LRRIQ3: variants seen among roughly 807,000 people sequenced by gnomAD.
LRRIQ3 encodes the protein leucine-rich repeat and IQ domain-containing protein 3.
Under a neutral mutation model 59.3 loss-of-function variants are expected in LRRIQ3, and 75 were observed. The observed-to-expected ratio is 1.26, with a 90% confidence interval of 1.05 to 1.53. LRRIQ3 has a LOEUF of 1.53. LRRIQ3 is among the 40% of genes most tolerant of loss of function. The probability of loss-of-function intolerance (pLI) is 0.00; values close to 1 mark genes in which losing one functional copy is unlikely to be tolerated. For synonymous variants in LRRIQ3, 250 were observed against 231.3 expected (o/e 1.08, Z -0.73); for missense variants, 831 against 710.0 (o/e 1.17, Z -1.94).
intron 3 of LRRIQ3, among the ~76,000 whole-genome samples, chr1:74,157,353 T>G (rs906091306): frequency 6.6e-6 from 1 of 152,088 alleles, no homozygotes; most frequent in African/African-American, 2.4e-5. Context: ...ACTCTTTTTT[T>G]GTCTAAGATT....
chr1:74,118,500 C>A (rs930329331), intron 4 of LRRIQ3, among the ~76,000 whole-genome samples: 1 of 151,936 alleles, frequency 6.6e-6, no homozygotes, highest in African/African-American at 2.4e-5. Context: ...GTTTTGCCAC[C>A]AGAAATAAGA....
In LRRIQ3 at chr1:74,182,766, T is replaced by A; in HGVS notation, c.345A>T (p.Ile115=). The A allele has an allele frequency of 1.2e-6, 2 of 1,611,322 alleles. No individual in the cohort carries two copies. The highest frequency in any genetic ancestry group is 1.7e-6 in the Non-Finnish European group (2 of 1,178,192). ...GGGTTGGACAGGCAGATAATACACA[T>A]ATATTCTTTAACTTTGCAAACCCAT... ...HDNGFAKLKN[I]CVLSACPTLI... is the part of the protein sequence containing the mutation. The change falls in exon 3 of 8, where the codon ATA becomes ATT. Residue 115 remains isoleucine (I), a synonymous_variant. Coordinates refer to ENST00000354431, the MANE Select transcript of LRRIQ3 (RefSeq NM_001105659.2).
chr1:74,118,947 A>T (rs1176400778), intron 4 of LRRIQ3, among the ~76,000 whole-genome samples: 1 of 152,122 alleles, frequency 6.6e-6, no homozygotes, highest in Non-Finnish European at 1.5e-5. Context: ...CACCCACATT[A>T]TGGAGGGTAA....
intron 4 of LRRIQ3, among the ~76,000 whole-genome samples, chr1:74,141,164 T>G (rs2100637135): frequency 6.6e-6 from 1 of 152,036 alleles, no homozygotes; most frequent in South Asian, 2.1e-4. Context: ...CCTAAAGCAC[T>G]TAAGACACAG....
intron 4 of LRRIQ3, among the ~76,000 whole-genome samples, chr1:74,128,290 C>T (rs1008142674): frequency 2.6e-5 from 4 of 151,924 alleles, no homozygotes; most frequent in African/African-American, 9.7e-5. Flanking sequence ...CTGTTTTTAT[C>T]TCATTTTTTT....
At chr1:74,185,007 C>T (rs569924839) in intron 1 of LRRIQ3, among the ~76,000 whole-genome samples, 1 of 152,274 alleles carries the variant, frequency 6.6e-6, no homozygotes, top group African/African-American at 2.4e-5. Context: ...TACTGAATAA[C>T]ATTCCATCGC....
intron 4 of LRRIQ3, among the ~76,000 whole-genome samples, chr1:74,126,539 G>A (rs939578537): frequency 6.6e-6 from 1 of 151,528 alleles, no homozygotes; most frequent in Non-Finnish European, 1.5e-5. Context: ...ATAATATTTG[G>A]TAGGTTCTGC....
Position 74,161,926 on chromosome 1 carries a change from A to AAATAAT in LRRIQ3, c.574-6066_574-6061dup, listed in dbSNP as rs145164387. Among the ~76,000 whole-genome samples, 7 of 151,590 alleles carry AAATAAT rather than the reference A, an allele frequency of 4.6e-5. No homozygotes were observed. The South Asian group carries it at 6.2e-4, about 14-fold the overall frequency. ...TGAAGATGAAGGAATCCTCTTTGTA[A>AAATAAT]AATAATAATAATAATAATAATGCAT... On this transcript the variant is annotated intron_variant, in intron 3 of 7. Coordinates refer to ENST00000354431, the MANE Select transcript of LRRIQ3 (RefSeq NM_001105659.2).
chr1:74,027,109 T>A (rs1653539863), intron 7 of LRRIQ3, 140 bp from the exon 8 acceptor site: 3 of 543,938 alleles, frequency 5.5e-6, no homozygotes, highest in African/African-American at 1.9e-5. Context: ...TCCATTTATA[T>A]AACTTGGTTA....
At chr1:74,158,417 T>C (rs994422431) in intron 3 of LRRIQ3, among the ~76,000 whole-genome samples, 2 of 152,154 alleles carry the variant, frequency 1.3e-5, no homozygotes, top group African/African-American at 4.8e-5. Context: ...CATCTCAATT[T>C]ATCCTACATA....
intron 6 of LRRIQ3, among the ~76,000 whole-genome samples, chr1:74,058,907 T>C (rs180907103): frequency 7.9e-5 from 12 of 152,172 alleles, no homozygotes; most frequent in Non-Finnish European, 5.9e-5. Flanking sequence ...CATCCAGCAA[T>C]GTATGTAAAT....
At chr1:74,102,119 AC>A (rs1023715582) in intron 5 of LRRIQ3, among the ~76,000 whole-genome samples, 57 of 152,114 alleles carry the variant, frequency 3.7e-4, no homozygotes, top group African/African-American at 1.3e-3. Flanking sequence ...TATCAAGAGG[AC>A]AAAGTAGATG....
chr1:74,174,713 A>C (rs919527506), intron 3 of LRRIQ3, among the ~76,000 whole-genome samples: 2 of 151,854 alleles, frequency 1.3e-5, no homozygotes, highest in Non-Finnish European at 2.9e-5. Flanking sequence ...ATTTTGGTTA[A>C]TGTTTTCTAT....
At chr1:74,060,347 T>C (rs1654686429) in intron 6 of LRRIQ3, among the ~76,000 whole-genome samples, 8 of 148,226 alleles carry the variant, frequency 5.4e-5, no homozygotes, top group East Asian at 4.1e-4. Flanking sequence ...TCCTCCTCCT[T>C]TTCTTCTTCT....
intron 4 of LRRIQ3, among the ~76,000 whole-genome samples, chr1:74,131,992 C>G (rs1309422096): frequency 6.6e-6 from 1 of 152,140 alleles, no homozygotes; most frequent in Non-Finnish European, 1.5e-5. Flanking sequence ...TGTCTCAGCA[C>G]AAAATCTCCT....
chr1:74,130,688 G>T (rs1647001808), intron 4 of LRRIQ3, among the ~76,000 whole-genome samples: 1 of 152,058 alleles, frequency 6.6e-6, no homozygotes, highest in Non-Finnish European at 1.5e-5. Flanking sequence ...CTTCTACGGT[G>T]CGTTACCTCT....
chr1:74,044,102 T>C (rs1373205037), intron 6 of LRRIQ3, among the ~76,000 whole-genome samples: 1 of 152,168 alleles, frequency 6.6e-6, no homozygotes, highest in East Asian at 1.9e-4. Context: ...CTCTATGTAG[T>C]AGTTTTTAGC....
intron 6 of LRRIQ3, among the ~76,000 whole-genome samples, chr1:74,042,437 T>C (rs1023289680): frequency 7.2e-5 from 11 of 152,116 alleles, no homozygotes; most frequent in Non-Finnish European, 1.5e-4. Context: ...TTGCCTTATT[T>C]GGACATAATC....
chr1:74,151,242 T>G (rs1647924652), intron 4 of LRRIQ3, among the ~76,000 whole-genome samples: 1 of 152,022 alleles, frequency 6.6e-6, no homozygotes, highest in South Asian at 2.1e-4. Context: ...GCTCTCGATC[T>G]CTTGACCTCG....
Sources: allele counts gnomAD v4.1 joint callset (sites outside exome capture counted in the v4.1 genomes callset), GRCh38; gene constraint gnomAD v4.1.1; transcripts MANE v1.5; gene names NCBI Gene and HGNC (gene_info 2026-07-23, HGNC 2026-07-21).